The following USP34 variants were observed in gnomAD, a reference collection of about 807,000 sequenced individuals.
The protein encoded by USP34 is ubiquitin specific peptidase 34.
Under a neutral mutation model 460.3 loss-of-function variants are expected in USP34, and 70 were observed. The observed-to-expected ratio is 0.15, with a 90% CI of 0.13 to 0.19. The LOEUF (loss-of-function observed/expected upper bound fraction) is 0.19. USP34 is among the 10% of genes least tolerant of loss of function. USP34 has a pLI of 1.00. For synonymous variants in USP34, 1,647 were observed against 1,405.3 expected (o/e 1.17, Z -3.85); for missense variants, 3,985 against 4,236.2 (o/e 0.94, Z 1.65).
chr2:61,349,333 CTTCT>C, intron 12 of USP34, 48 bp from the exon 13 acceptor site: 2 of 1,580,044 alleles, frequency 1.3e-6, no homozygotes, highest in Non-Finnish European at 1.7e-6. Flanking sequence ...AGTGACTCAG[CTTCT>C]TTGAGACAGC....
chr2:61,229,461 AAAAAAAAAAAAAAAC>A (rs1174481565), intron 59 of USP34, 72 bp downstream of exon 59: 699 of 662,646 alleles, frequency 1.1e-3, no homozygotes, highest in South Asian at 2.3e-3. Context: ...ATCTCTTAAA[AAAAAAAAAAAAAAAC>A]AAAAAAAAAA....
chr2:61,224,037 A>C (rs1251804367), intron 62 of USP34, among the ~76,000 whole-genome samples: 1 of 152,208 alleles, frequency 6.6e-6, no homozygotes, highest in African/African-American at 2.4e-5. Context: ...GATAGGTTTC[A>C]AAAACAACCA....
Position 61,342,708 on chromosome 2 carries a change from T to G in USP34, c.2500+1107A>C, listed in dbSNP as rs865784148. Among the ~76,000 whole-genome samples the G allele has an allele frequency of 1.1e-4, 16 of 152,306 alleles. 1 individual carries two copies. Among genetic ancestry groups the G allele is most frequent in the Middle Eastern group, 6.8e-3 (2 of 294 alleles). On this transcript the variant is annotated intron_variant, in intron 16 of 79. Transcript: ENST00000398571. Reference sequence around the variant, plus strand: ...CTGTCTTACTCTGTTGGAGGAGGTCTTCTAGTACTAAAAACATTGTAAAAC... The same window carrying G: ...CTGTCTTACTCTGTTGGAGGAGGTCGTCTAGTACTAAAAACATTGTAAAAC...
chr2:61,244,928 C>T (rs1051834917), intron 51 of USP34, among the ~76,000 whole-genome samples: 2 of 151,992 alleles, frequency 1.3e-5, no homozygotes, highest in Non-Finnish European at 2.9e-5. Flanking sequence ...ACTGAGTAAA[C>T]AATTTACTCA....
In USP34 at chr2:61,406,046, C is replaced by T; in HGVS notation, c.214G>A (p.Ala72Thr). The T allele has an allele frequency of 6.2e-7, 1 of 1,613,714 alleles. No homozygotes were observed. The stretch of plus-strand genomic sequence containing the variant: ...TGGTCCCGGAGCACTTGAACTTGGG[C>T]AATCACTAAGTTAATAAGTGCACAC... Reference protein sequence around the residue: ...VVCALINLVIAQVQVLRDQLC... With the variant: ...VVCALINLVITQVQVLRDQLC... Residue 72 changes from alanine to threonine, a missense_variant, in exon 3 of 80, where the codon GCC becomes ACC. Physicochemically the swap from Ala to Thr is moderately conservative, Grantham distance 58 (BLOSUM62 0). Transcript: ENST00000398571.
chr2:61,405,199 T>G (rs1450810047), intron 3 of USP34, among the ~76,000 whole-genome samples: 2 of 126,214 alleles, frequency 1.6e-5, no homozygotes, highest in African/African-American at 3.1e-5. Flanking sequence ...CACCACTGCA[T>G]TCCAGCCTGG....
intron 8 of USP34, 81 bp from the exon 9 acceptor site, chr2:61,370,660 C>A: frequency 7.7e-7 from 1 of 1,290,914 alleles, no homozygotes; most frequent in Non-Finnish European, 1.1e-6. Flanking sequence ...CAATTGAAAA[C>A]CTAAATTTGT....
chr2:61,353,509 A>C (rs1440998200), intron 10 of USP34, among the ~76,000 whole-genome samples: 1 of 151,066 alleles, frequency 6.6e-6, no homozygotes, highest in African/African-American at 2.4e-5. Context: ...CTCATGCCTC[A>C]GCCTCCCAAG....
In USP34 at chr2:61,232,623, T is replaced by G. The variant is rs139144753; in HGVS notation, c.7033-91A>C. 1.8e-4 allele frequency: 192 copies of G among 1,063,956 alleles called. No individual in the cohort carries two copies. In the African/African-American group the frequency reaches 2.6e-3, roughly 15 times the overall value. The allele number at this position is 1,063,956 out of a possible 1,614,324, so 65.9% of individuals were successfully genotyped here. A position where few individuals can be genotyped will look rare whatever the true frequency, so the allele number is the denominator to read the frequency against. On this transcript the variant is annotated intron_variant, in intron 57 of 79. Coordinates refer to ENST00000398571, the MANE Select transcript of USP34 (RefSeq NM_014709.4). ...ACATAAGAATTTTATTTCTAGTCAA[T>G]GTTTTAATTCTTTTAAGTTCTTACC...
At chr2:61,325,185 A>G (rs1163249684) in intron 21 of USP34, among the ~76,000 whole-genome samples, 190 bp downstream of exon 21, 2 of 151,934 alleles carry the variant, frequency 1.3e-5, no homozygotes, top group Non-Finnish European at 2.9e-5. Context: ...AAGAAGCCCA[A>G]TCCCTACCAG....
At chr2:61,319,114 T>C (rs1401509087) in intron 22 of USP34, 59 bp downstream of exon 22, 1 of 1,485,054 alleles carries the variant, frequency 6.7e-7, no homozygotes, top group African/African-American at 1.4e-5. Context: ...AATTCGTATT[T>C]CAAGAGATGA....
intron 8 of USP34, 48 bp downstream of exon 8, chr2:61,378,315 T>C (rs374911709): frequency 1.6e-5 from 21 of 1,321,388 alleles, no homozygotes; most frequent in Non-Finnish European, 2.0e-5. Context: ...TATAAACAAC[T>C]GTACATTAAA....
chr2:61,395,235 T>C lies in USP34; in HGVS notation c.553-2A>G. Reference sequence around the variant, plus strand: ...GTTACTTTCTTGAGTTGATATATCCTAATTAAAAAAAAAAAAGCAAGTAAA... The same window carrying C: ...GTTACTTTCTTGAGTTGATATATCCCAATTAAAAAAAAAAAAGCAAGTAAA... On this transcript the variant is annotated splice_acceptor_variant, in intron 3 of 79. Coordinates refer to ENST00000398571, the MANE Select transcript of USP34 (RefSeq NM_014709.4). LOFTEE classifies it high-confidence loss of function. 1 of 1,437,880 alleles carries C rather than the reference T, an allele frequency of 7.0e-7. No individual in the cohort carries two copies. The highest frequency in any genetic ancestry group is 9.6e-7 in the Non-Finnish European group (1 of 1,042,420). 89.1% of individuals were successfully genotyped at this position (1,437,880 alleles called of 1,614,324 possible). A position where few individuals can be genotyped will look rare whatever the true frequency, so the allele number is the denominator to read the frequency against.
intron 74 of USP34, among the ~76,000 whole-genome samples, chr2:61,203,943 A>C (rs1337309720): frequency 1.3e-5 from 2 of 151,776 alleles, no homozygotes; most frequent in East Asian, 1.9e-4. Flanking sequence ...AAAAAAAAAA[A>C]ACAGTACCTA....
At chr2:61,386,461 C>A (rs72813579) in intron 5 of USP34, among the ~76,000 whole-genome samples, 5,720 of 152,064 alleles carry the variant, frequency 0.038, 167 homozygotes, top group Non-Finnish European at 0.056. Context: ...TACTTGTTTC[C>A]TGATCAAGGT....
At chr2:61,268,536 A>C (rs1469317381) in intron 41 of USP34, among the ~76,000 whole-genome samples, 1 of 150,448 alleles carries the variant, frequency 6.6e-6, no homozygotes, top group East Asian at 2.0e-4. Context: ...TTCTGCCATG[A>C]GTAAAAGGCT....
chr2:61,240,366 C>T (rs1373597452), intron 53 of USP34, among the ~76,000 whole-genome samples: 2 of 151,870 alleles, frequency 1.3e-5, no homozygotes, highest in African/African-American at 4.8e-5. Flanking sequence ...CTCGGCTCCG[C>T]CTCCCAGGTT....
At chr2:61,415,706 T>G (rs984110152) in intron 2 of USP34, among the ~76,000 whole-genome samples, 1 of 152,204 alleles carries the variant, frequency 6.6e-6, no homozygotes, top group Admixed American at 6.5e-5. Flanking sequence ...GCCAATTAAT[T>G]TTTTTAAACT....
At chr2:61,467,449 T>C (rs977306827) in intron 1 of USP34, among the ~76,000 whole-genome samples, 13 of 151,882 alleles carry the variant, frequency 8.6e-5, no homozygotes, top group Admixed American at 3.9e-4. Context: ...CACGTCTGAC[T>C]GTTTTGTGAG....
Sources: gnomAD v4.1 joint callset for allele counts (sites outside exome capture counted in the v4.1 genomes callset) on GRCh38, gnomAD v4.1.1 for gene constraint, MANE v1.5 for transcripts, NCBI Gene and HGNC (gene_info 2026-07-23, HGNC 2026-07-21) for gene names.